FLYWCH1: variants seen among roughly 807,000 people sequenced by gnomAD.
The protein encoded by FLYWCH1 is FLYWCH-type zinc finger 1.
A neutral mutation model predicts 66.4 loss-of-function variants in FLYWCH1; 75 were observed. The ratio of observed to expected loss-of-function variants is 1.13; its 90% confidence interval spans 0.94 to 1.37. FLYWCH1 has a LOEUF of 1.37. FLYWCH1 is among the 40% of genes most tolerant of loss of function. FLYWCH1 has a pLI of 0.00. For synonymous variants in FLYWCH1, 595 were observed against 429.9 expected (o/e 1.38, Z -4.75); for missense variants, 1,334 against 1,001.8 (o/e 1.33, Z -4.48).
Position 2,947,672 on chromosome 16 carries a change from G to A in FLYWCH1, c.2112-1016G>A, listed in dbSNP as rs139179866. Among the ~76,000 whole-genome samples, 1,059 of 151,462 alleles carry A rather than the reference G, an allele frequency of 7.0e-3. 10 individuals are homozygous for A. The highest frequency in any genetic ancestry group is 0.025 in the African/African-American group (1,017 of 41,222). On this transcript the variant is annotated intron_variant, in intron 9 of 9. Transcript: ENST00000253928. ...AGCTACTCATGAGGCTGAGGCAGGAGAATCGCTTGAACCTGGGAGGTAGAG... is the reference window on the plus strand; with the variant it reads ...AGCTACTCATGAGGCTGAGGCAGGAAAATCGCTTGAACCTGGGAGGTAGAG...
Position 2,916,994 on chromosome 16 carries a change from A to T in FLYWCH1, c.-74+2705A>T, listed in dbSNP as rs529691183. ...CCCATCTCTAGTAAAAAAAAAAAAAAAAATAACAAAAATTAGCCAGGCGTG... is the reference window on the plus strand; with the variant it reads ...CCCATCTCTAGTAAAAAAAAAAAAATAAATAACAAAAATTAGCCAGGCGTG... On this transcript the variant is annotated intron_variant, in intron 2 of 9. Transcript: ENST00000253928. Among the ~76,000 whole-genome samples the T allele has an allele frequency of 2.8e-3, 429 of 151,040 alleles. 3 individuals are homozygous for T. The highest frequency in any genetic ancestry group is 4.2e-3 in the Admixed American group (63 of 15,168).
intron 2 of FLYWCH1, chr16:2,922,697 C>A (rs35374464): frequency 2.1e-6 from 1 of 481,250 alleles, no homozygotes; most frequent in East Asian, 5.6e-5. Context: ...CCAAAGCATC[C>A]TGATCAGGAG....
intron 1 of FLYWCH1, chr16:2,913,062 G>A (rs2070046344): frequency 6.6e-6 from 1 of 152,248 alleles, no homozygotes. Flanking sequence ...AGATTGCGGA[G>A]TGTTTATGAC....
intron 9 of FLYWCH1, among the ~76,000 whole-genome samples, chr16:2,941,046 C>T (rs2071242055): frequency 6.6e-6 from 1 of 152,084 alleles, no homozygotes; most frequent in Admixed American, 6.6e-5. Flanking sequence ...TTGCAGTGAG[C>T]CAAGATTGTG....
rs867813103 is a variant in FLYWCH1 at position 2,947,166 on chromosome 16, C to T, written c.2112-1522C>T. On this transcript the variant is annotated intron_variant, in intron 9 of 9. Transcript: ENST00000253928. ...TCCATAAAAAGGAACGAAGTACTGA[C>T]GCATGCTACAATGAGGATGCACCTT... 7.2e-5 allele frequency among the ~76,000 whole-genome samples: 11 copies of T among 152,286 alleles called. 1 individual carries two copies. The highest frequency in any genetic ancestry group is 5.8e-4 in the East Asian group (3 of 5,190).
intron 9 of FLYWCH1, among the ~76,000 whole-genome samples, chr16:2,942,549 C>T (rs2071311723): frequency 6.8e-6 from 1 of 147,058 alleles, no homozygotes; most frequent in Non-Finnish European, 1.5e-5. Context: ...ACGTAGAATA[C>T]CAGCAAACAG....
intron 2 of FLYWCH1, among the ~76,000 whole-genome samples, chr16:2,916,508 G>C (rs1312672146): frequency 6.6e-6 from 1 of 151,822 alleles, no homozygotes; most frequent in African/African-American, 2.4e-5. Flanking sequence ...CTGGTGGCAG[G>C]TGCCTGTAGT....
chr16:2,925,823 C>T (rs1000878396), intron 2 of FLYWCH1, among the ~76,000 whole-genome samples: 2 of 152,072 alleles, frequency 1.3e-5, no homozygotes, highest in East Asian at 1.9e-4. Flanking sequence ...GTTAAGGAGC[C>T]GCTCCCCTCT....
Position 2,942,813 on chromosome 16 carries a change from C to A in FLYWCH1, c.2111+2721C>A, listed in dbSNP as rs1040205771. Among the ~76,000 whole-genome samples, 5 of 141,918 alleles carry A rather than the reference C, an allele frequency of 3.5e-5. No individual in the cohort carries two copies. The South Asian group carries it at 6.8e-4, about 19-fold the overall frequency. The allele number at this position is 141,918 out of a possible 152,430, so 93.1% of individuals were successfully genotyped here. On this transcript the variant is annotated intron_variant, in intron 9 of 9. Coordinates refer to ENST00000253928, the MANE Select transcript of FLYWCH1 (RefSeq NM_001308068.2). ...GTGATCTTGGCTCACTGCAAGATCA[C>A]TGTGAGTGATCCCAGGTAGCTGGGA...
At chr16:2,941,468 G>T (rs367616591) in intron 9 of FLYWCH1, among the ~76,000 whole-genome samples, 1 of 152,090 alleles carries the variant, frequency 6.6e-6, no homozygotes, top group African/African-American at 2.4e-5. Flanking sequence ...AACTCAGCCA[G>T]TCATGGTAGC....
At chr16:2,914,908 C>CAAAAAA (rs555910638) in intron 2 of FLYWCH1, among the ~76,000 whole-genome samples, 2 of 72,706 alleles carry the variant, frequency 2.8e-5, no homozygotes, top group African/African-American at 1.0e-4. Flanking sequence ...GACTCTGTCT[C>CAAAAAA]AAAAAAAAAA....
At chr16:2,936,640 G>A (rs1166253372) in intron 6 of FLYWCH1, 2 of 458,306 alleles carry the variant, frequency 4.4e-6, no homozygotes, top group Non-Finnish European at 8.8e-6. Flanking sequence ...CCACATCCAG[G>A]ACAGTGGACG....
chr16:2,924,487 T>C (rs948816103), intron 2 of FLYWCH1, among the ~76,000 whole-genome samples: 1 of 152,234 alleles, frequency 6.6e-6, no homozygotes, highest in Non-Finnish European at 1.5e-5. Flanking sequence ...GGCTCCTTCA[T>C]GTCTGCAGGC....
chr16:2,923,830 G>A (rs779387672), intron 2 of FLYWCH1, among the ~76,000 whole-genome samples: 3 of 152,024 alleles, frequency 2.0e-5, no homozygotes, highest in Non-Finnish European at 4.4e-5. Flanking sequence ...TTGAGGTCAC[G>A]AGTTCGAGAC....
intron 2 of FLYWCH1, among the ~76,000 whole-genome samples, chr16:2,927,535 G>C (rs1260856371): frequency 6.6e-6 from 1 of 152,218 alleles, no homozygotes; most frequent in Admixed American, 6.5e-5. Context: ...AATGGGATTG[G>C]AGGAGCCATG....
In FLYWCH1 at chr16:2,938,447, G is replaced by A. The variant is rs764973514; in HGVS notation, c.2041G>A (p.Glu681Lys). 14 of 1,524,276 alleles carry A rather than the reference G, an allele frequency of 9.2e-6. No individual in the cohort carries two copies. The Admixed American group carries it at 1.7e-4, about 19-fold the overall frequency. The allele number at this position is 1,524,276 out of a possible 1,614,324, so 94.4% of individuals were successfully genotyped here. ...RERLPTTAQQ[E>K]DPEKIQVQLC... ...GCGGCTCCCCACCACGGCCCAGCAG[G>A]AGGACCCAGGTACAGGCAGGCTGTG... Residue 681 changes from glutamate to lysine, a missense_variant, in exon 8 of 10, where the codon GAG (glutamate) becomes AAG (lysine). Physicochemically the swap from Glu to Lys is moderately conservative, Grantham distance 56 (BLOSUM62 1). Coordinates refer to ENST00000253928, the MANE Select transcript of FLYWCH1 (RefSeq NM_001308068.2).
chr16:2,923,952 C>G (rs1272861224), intron 2 of FLYWCH1, among the ~76,000 whole-genome samples: 2 of 152,166 alleles, frequency 1.3e-5, no homozygotes, highest in East Asian at 3.9e-4. Flanking sequence ...GGCAGAATAG[C>G]TTGAAACTCA....
chr16:2,935,992 C>T (rs2070982999), intron 6 of FLYWCH1: 1 of 178,168 alleles, frequency 5.6e-6, no homozygotes, highest in African/African-American at 2.4e-5. Context: ...TCACTGCAAC[C>T]TCTGTCTCCC....
Position 2,938,215 on chromosome 16 carries a change from T to C in FLYWCH1, c.1809T>C (p.Thr603=). ...TCCGGCCCCTGGAGTTCCTGAGGAC[T>C]TCCCTGGGGGGCAGGTTCCTGGTGC... is the stretch of plus-strand genomic sequence containing the variant. ...DPLRPLEFLR[T]SLGGRFLVHE... Residue 603 remains threonine, a synonymous_variant, in exon 8 of 10, where the codon ACT becomes ACC. Coordinates refer to ENST00000253928, the MANE Select transcript of FLYWCH1 (RefSeq NM_001308068.2). 2 of 1,613,016 alleles carry C rather than the reference T, an allele frequency of 1.2e-6. No individual in the cohort carries two copies. Among genetic ancestry groups the C allele is most frequent in the Non-Finnish European group, 1.7e-6 (2 of 1,179,570 alleles).
Sources: allele counts gnomAD v4.1 joint callset (sites outside exome capture counted in the v4.1 genomes callset), GRCh38; gene constraint gnomAD v4.1.1; transcripts MANE v1.5; gene names NCBI Gene and HGNC (gene_info 2026-07-23, HGNC 2026-07-21).